The following SCUBE1 variants were observed in gnomAD, a reference collection of about 807,000 sequenced individuals.
SCUBE1 encodes signal peptide, CUB domain and EGF like domain containing 1, also known as signal peptide, CUB and EGF-like domain-containing protein 1.
SCUBE1 carries 59 observed loss-of-function variants against 124.4 expected under a neutral mutation model. That is an observed-to-expected ratio of 0.47 (90% CI 0.38 to 0.59). The LOEUF (loss-of-function observed/expected upper bound fraction) is 0.59. Among genes scored for constraint, SCUBE1 ranks in the 20% least tolerant of loss-of-function variants. SCUBE1 has a pLI of 0.00. For missense variants in SCUBE1, 1,150 were observed against 1,371.2 expected (o/e 0.84, Z 2.55); for synonymous variants, 545 against 550.9 (o/e 0.99, Z 0.15).
chr22:43,204,111 C>A lies in SCUBE1; in HGVS notation c.2853G>T (p.Ala951=). Residue 951 remains alanine, a synonymous_variant, in exon 22 of 22, where the codon GCG becomes GCT. Transcript: ENST00000360835. ...TGTACTTGAAGTAGTTCTGGGGATGCGCCAGCACGTCGAAGAGGGCCTTGA... is the reference window on the plus strand; with the variant it reads ...TGTACTTGAAGTAGTTCTGGGGATGAGCCAGCACGTCGAAGAGGGCCTTGA... ...KLIKALFDVL[A]HPQNYFKYTA... is the part of the protein sequence containing the mutation. 1 of 1,613,894 alleles carries A rather than the reference C, an allele frequency of 6.2e-7. No homozygotes were observed.
At chr22:43,219,358 G>C (rs1921981040) in intron 14 of SCUBE1, among the ~76,000 whole-genome samples, 2 of 152,226 alleles carry the variant, frequency 1.3e-5, no homozygotes. Flanking sequence ...GGCCTCGCCA[G>C]GCAGATGCTG....
intron 3 of SCUBE1, among the ~76,000 whole-genome samples, chr22:43,311,711 G>A (rs1354277328): frequency 6.6e-6 from 1 of 152,040 alleles, no homozygotes; most frequent in African/African-American, 2.4e-5. Flanking sequence ...ACAGGCATGA[G>A]TTACTGTGCC....
chr22:43,297,856 CT>C (rs1251857732), intron 3 of SCUBE1, among the ~76,000 whole-genome samples: 4 of 152,238 alleles, frequency 2.6e-5, no homozygotes, highest in Non-Finnish European at 4.4e-5. Context: ...ACTCCGTGTT[CT>C]GCTTGGACCC....
At chr22:43,280,080 C>T (rs73422085) in intron 4 of SCUBE1, among the ~76,000 whole-genome samples, 1,981 of 152,222 alleles carry the variant, frequency 0.013, 21 homozygotes, top group African/African-American at 0.029. Context: ...AGGTGGGCAG[C>T]GGCCCTCTGC....
chr22:43,308,617 C>T (rs1926060707), intron 3 of SCUBE1, among the ~76,000 whole-genome samples: 1 of 152,234 alleles, frequency 6.6e-6, no homozygotes. Flanking sequence ...TAAAAGGCCG[C>T]GATGGCGCAG....
chr22:43,281,643 T>C (rs1196142470), intron 4 of SCUBE1, among the ~76,000 whole-genome samples: 9 of 147,654 alleles, frequency 6.1e-5, no homozygotes, highest in Admixed American at 5.3e-4. Flanking sequence ...CCCCTGGCCA[T>C]CCTCCCGTCG....
intron 12 of SCUBE1, 127 bp downstream of exon 12, chr22:43,222,511 C>A (rs1922132307): frequency 1.4e-6 from 1 of 714,558 alleles, no homozygotes; most frequent in South Asian, 1.9e-5. Flanking sequence ...CACCCCAGGC[C>A]ACACGGAGCA....
At chr22:43,275,132 G>A (rs1025778349) in intron 4 of SCUBE1, among the ~76,000 whole-genome samples, 1 of 152,208 alleles carries the variant, frequency 6.6e-6, no homozygotes, top group African/African-American at 2.4e-5. Flanking sequence ...TTCTGGAGCA[G>A]GAACAAGCCC....
At chr22:43,231,696 G>C in intron 8 of SCUBE1, 57 bp downstream of exon 8, 1 of 1,526,478 alleles carries the variant, frequency 6.6e-7, no homozygotes, top group Non-Finnish European at 8.8e-7. Flanking sequence ...GCCCAGGAGG[G>C]GAAGGGGCAC....
At chr22:43,275,573 A>G (rs1240121619) in intron 4 of SCUBE1, among the ~76,000 whole-genome samples, 1 of 152,208 alleles carries the variant, frequency 6.6e-6, no homozygotes, top group Non-Finnish European at 1.5e-5. Flanking sequence ...TTTCAAACAC[A>G]TGAGTGCAAG....
At chr22:43,319,906 C>T in intron 3 of SCUBE1, 31 bp downstream of exon 3, 2 of 1,611,672 alleles carry the variant, frequency 1.2e-6, no homozygotes, top group Non-Finnish European at 1.7e-6. Flanking sequence ...CAGGGTGTGC[C>T]CAGAGGGTAG....
chr22:43,205,123 TCTGA>T (rs1301420370), intron 21 of SCUBE1, among the ~76,000 whole-genome samples: 4 of 152,214 alleles, frequency 2.6e-5, no homozygotes, highest in African/African-American at 4.8e-5. Context: ...GCTTTGCTGC[TCTGA>T]CTTTCATTCT....
At position 43,238,874 on chromosome 22, in the gene SCUBE1, C is replaced by T; in HGVS notation, c.808G>A (p.Gly270Arg). ...ATGVRCSCPV[G>R]FTLQPDGKTC... Reference sequence around the variant, plus strand: ...TTCCCGTCCGGCTGCAGTGTGAATCCAACGGGGCAGCTGCATCGCACGCCA... The same window carrying T: ...TTCCCGTCCGGCTGCAGTGTGAATCTAACGGGGCAGCTGCATCGCACGCCA... The change falls in exon 7 of 22, where the codon GGA (glycine) becomes AGA (arginine). Residue 270 changes from glycine (G) to arginine (R), a missense_variant. Around this residue, in one of 3 missense-constraint regions of SCUBE1, gnomAD observed 337 missense variants for 482.1 expected, o/e 0.70. Coordinates refer to ENST00000360835, the MANE Select transcript of SCUBE1 (RefSeq NM_173050.5). 1 of 1,613,280 alleles carries T rather than the reference C, an allele frequency of 6.2e-7. No individual in the cohort carries two copies. Among genetic ancestry groups the T allele is most frequent in the Non-Finnish European group, 8.5e-7 (1 of 1,180,030 alleles).
chr22:43,293,340 C>T (rs1056733725), intron 3 of SCUBE1, among the ~76,000 whole-genome samples: 1 of 152,240 alleles, frequency 6.6e-6, no homozygotes, highest in Non-Finnish European at 1.5e-5. Flanking sequence ...CACGGAGGCT[C>T]CGGGAGCTGG....
At chr22:43,240,349 A>T (rs1431671925) in intron 6 of SCUBE1, among the ~76,000 whole-genome samples, 1 of 152,170 alleles carries the variant, frequency 6.6e-6, no homozygotes, top group African/African-American at 2.4e-5. Context: ...CTGCCATGGC[A>T]GTGTGCTGGT....
chr22:43,279,833 C>G (rs2146733307), intron 4 of SCUBE1, among the ~76,000 whole-genome samples: 1 of 152,286 alleles, frequency 6.6e-6, no homozygotes, highest in East Asian at 1.9e-4. Flanking sequence ...AAGTACTACC[C>G]AAGGGGGTGG....
At chr22:43,260,308 G>A (rs2146709411) in intron 5 of SCUBE1, among the ~76,000 whole-genome samples, 1 of 152,342 alleles carries the variant, frequency 6.6e-6, no homozygotes, top group African/African-American at 2.4e-5. Flanking sequence ...CAAAGGTCGA[G>A]CCTTCGAATA....
At chr22:43,231,143 G>C (rs866355751) in intron 8 of SCUBE1, among the ~76,000 whole-genome samples, 34 of 152,256 alleles carry the variant, frequency 2.2e-4, no homozygotes, top group African/African-American at 8.2e-4. Context: ...TCCTCAGGCC[G>C]GCAGCGCCAT....
chr22:43,247,381 G>C (rs1923258546), intron 6 of SCUBE1, among the ~76,000 whole-genome samples: 1 of 152,220 alleles, frequency 6.6e-6, no homozygotes, highest in South Asian at 2.1e-4. Flanking sequence ...TCTGACTCTA[G>C]AATCTGGCTC....
Sources: allele counts gnomAD v4.1 joint callset (sites outside exome capture counted in the v4.1 genomes callset), GRCh38; gene constraint gnomAD v4.1.1; regional missense constraint gnomAD v4.1.1; transcripts MANE v1.5; gene names NCBI Gene and HGNC (gene_info 2026-07-23, HGNC 2026-07-21).